Variants in UBR3 observed in about 807,000 individuals in gnomAD.
UBR3 encodes the protein E3 ubiquitin-protein ligase UBR3.
UBR3 carries 85 observed loss-of-function variants against 243.2 expected under a neutral mutation model. The ratio of observed to expected loss-of-function variants is 0.35; its 90% CI spans 0.29 to 0.42. The LOEUF is 0.42. Ranked by LOEUF, UBR3 falls within the 10% of genes least tolerant of loss-of-function variation. The probability of loss-of-function intolerance (pLI) is 1.00; values close to 1 mark genes in which losing one functional copy is unlikely to be tolerated. For synonymous variants in UBR3, 748 were observed against 799.8 expected, an observed-to-expected ratio of 0.94 and a Z score of 1.09; for missense variants, 1,686 against 2,300.8, an observed-to-expected ratio of 0.73 and a Z score of 5.47.
chr2:169,973,843 A>G (rs1002675896), intron 24 of UBR3, among the ~76,000 whole-genome samples: 3 of 152,200 alleles, frequency 2.0e-5, no homozygotes, highest in Admixed American at 6.5e-5. Flanking sequence ...CTTGTCATAT[A>G]CAGTCATCAT....
Position 169,979,667 on chromosome 2 carries a change from G to C in UBR3, c.3635-6978G>C, listed in dbSNP as rs374070102. Among the ~76,000 whole-genome samples the C allele has an allele frequency of 2.0e-5, 3 of 152,188 alleles. No individual in the cohort carries two copies. In the East Asian group the frequency reaches 5.8e-4, roughly 29 times the overall value. ...CCAATCTGAAAATATTACATACTGT[G>C]TGTTTCCAGTTATATGACATTCTGG... On this transcript the variant is annotated intron_variant, in intron 24 of 38. Coordinates refer to ENST00000272793, the MANE Select transcript of UBR3 (RefSeq NM_172070.4).
chr2:170,078,310 C>T (rs990386020), intron 36 of UBR3: 1 of 283,940 alleles, frequency 3.5e-6, no homozygotes, highest in Non-Finnish European at 6.8e-6. Flanking sequence ...AGGCGCAGCC[C>T]CTGGGGTGCG....
chr2:169,998,236 A>G (rs1275627471), intron 26 of UBR3, among the ~76,000 whole-genome samples: 1 of 152,258 alleles, frequency 6.6e-6, no homozygotes, highest in African/African-American at 2.4e-5. Flanking sequence ...CCTAGACCTA[A>G]GAGCATAATA....
chr2:170,057,853 A>C (rs2105444513), intron 33 of UBR3, among the ~76,000 whole-genome samples: 1 of 152,300 alleles, frequency 6.6e-6, no homozygotes, highest in Admixed American at 6.5e-5. Context: ...TAGTGAAAGA[A>C]AATTAAAAAT....
At chr2:169,959,688 A>G (rs1241056380) in intron 24 of UBR3, among the ~76,000 whole-genome samples, 1 of 152,086 alleles carries the variant, frequency 6.6e-6, no homozygotes, top group Non-Finnish European at 1.5e-5. Flanking sequence ...GGGATGAGAA[A>G]AGCTAGTACC....
chr2:169,860,270 ATGT>A (rs1323719439), intron 1 of UBR3, among the ~76,000 whole-genome samples: 1 of 151,994 alleles, frequency 6.6e-6, no homozygotes, highest in Admixed American at 6.5e-5. Flanking sequence ...TCTGCACTTT[ATGT>A]TGTTGATTGT....
At chr2:169,905,896 T>G in intron 9 of UBR3, 135 bp from the exon 10 acceptor site, 2 of 900,984 alleles carry the variant, frequency 2.2e-6, no homozygotes, top group Non-Finnish European at 1.5e-6. Flanking sequence ...AGTAATTTAC[T>G]TATTTCTATA....
intron 30 of UBR3, 105 bp from the exon 31 acceptor site, chr2:170,029,241 G>A (rs2090608118): frequency 1.2e-6 from 1 of 857,384 alleles, no homozygotes; most frequent in Non-Finnish European, 1.8e-6. Flanking sequence ...TTAATTGTCA[G>A]GATGGGAAAC....
intron 38 of UBR3, among the ~76,000 whole-genome samples, chr2:170,081,394 A>G (rs1421736593): frequency 6.6e-6 from 1 of 151,752 alleles, no homozygotes; most frequent in East Asian, 1.9e-4. Context: ...CAGCTACTCT[A>G]GAGGCTGAGG....
In UBR3 at chr2:170,070,078, A is replaced by G. The variant is rs140045767; in HGVS notation, c.5020-3350A>G. On this transcript the variant is annotated intron_variant, in intron 35 of 38. Transcript: ENST00000272793. The stretch of plus-strand genomic sequence containing the variant: ...CCTGAATACAGAGGGCTATTTCTTT[A>G]TTCACTCATCCATCAATGGACACTT... Among the ~76,000 whole-genome samples the G allele has an allele frequency of 5.8e-3, 877 of 152,196 alleles. 7 individuals carry two copies. Among genetic ancestry groups the G allele is most frequent in the African/African-American group, 0.02 (828 of 41,558 alleles).
chr2:169,858,581 C>CT (rs989984525), intron 1 of UBR3, among the ~76,000 whole-genome samples: 5 of 151,848 alleles, frequency 3.3e-5, no homozygotes, highest in African/African-American at 9.7e-5. Context: ...TCATTTAGTA[C>CT]TTTATTTATT....
At chr2:169,899,052 C>T (rs1458146938) in intron 8 of UBR3, among the ~76,000 whole-genome samples, 1 of 150,070 alleles carries the variant, frequency 6.7e-6, no homozygotes, top group African/African-American at 2.5e-5. Context: ...GATCTCAGCT[C>T]ACTGCAACCT....
chr2:170,049,469 T>C (rs957774111), intron 32 of UBR3, among the ~76,000 whole-genome samples: 1 of 152,202 alleles, frequency 6.6e-6, no homozygotes, highest in African/African-American at 2.4e-5. Flanking sequence ...TACATAGTAC[T>C]GCAGATGTAG....
At chr2:169,852,622 C>G (rs1479700026) in intron 1 of UBR3, among the ~76,000 whole-genome samples, 2 of 150,834 alleles carry the variant, frequency 1.3e-5, no homozygotes, top group Admixed American at 1.3e-4. Context: ...GCAGGCGGAT[C>G]ACTTGAGGTC....
intron 24 of UBR3, among the ~76,000 whole-genome samples, chr2:169,978,843 A>G (rs929527225): frequency 3.9e-5 from 6 of 152,012 alleles, no homozygotes; most frequent in Non-Finnish European, 7.4e-5. Context: ...ACCTGTATGG[A>G]GGAATGTCTC....
chr2:169,929,889 A>G (rs561625336), intron 18 of UBR3, among the ~76,000 whole-genome samples: 23 of 152,332 alleles, frequency 1.5e-4, no homozygotes, highest in African/African-American at 4.6e-4. Flanking sequence ...GTTGTAAATA[A>G]TATACACTGT....
At chr2:169,946,528 T>C (rs1180051706) in intron 21 of UBR3, 136 bp downstream of exon 21, 1 of 407,476 alleles carries the variant, frequency 2.5e-6, no homozygotes, top group African/African-American at 2.1e-5. Context: ...GAATTCATCT[T>C]GAGGTGTATT....
chr2:169,966,120 G>A (rs1312533883), intron 24 of UBR3, among the ~76,000 whole-genome samples: 3 of 152,142 alleles, frequency 2.0e-5, no homozygotes, highest in South Asian at 4.1e-4. Context: ...TGAAGAGGCA[G>A]TATTACTTCT....
intron 24 of UBR3, among the ~76,000 whole-genome samples, chr2:169,961,569 T>C (rs2087574864): frequency 6.6e-6 from 1 of 152,180 alleles, no homozygotes; most frequent in Admixed American, 6.6e-5. Context: ...CACTTGATTG[T>C]TCATTTAGAT....
Sources: allele counts gnomAD v4.1 joint callset (sites outside exome capture counted in the v4.1 genomes callset), GRCh38; gene constraint gnomAD v4.1.1; transcripts MANE v1.5; gene names NCBI Gene and HGNC (gene_info 2026-07-23, HGNC 2026-07-21).